The following BICRA variants were observed in gnomAD, a reference collection of about 807,000 sequenced individuals.
BICRA encodes the protein BRD4-interacting chromatin-remodeling complex-associated protein.
BICRA carries 31 observed loss-of-function variants against 96.9 expected under a neutral mutation model. The observed-to-expected ratio is 0.32, with a 90% CI of 0.24 to 0.43. The LOEUF is 0.43. Ranked by LOEUF, BICRA falls within the 20% of genes least tolerant of loss-of-function variation. BICRA has a pLI of 1.00. For synonymous variants in BICRA, 1,350 were observed against 1,071.8 expected, an observed-to-expected ratio of 1.26 and a Z score of -5.07; for missense variants, 2,283 against 2,190.3, an observed-to-expected ratio of 1.04 and a Z score of -0.84.
Position 47,699,505 on chromosome 19 carries a change from C to G in BICRA, c.3595+100C>G. ...GGCGGGGAGTGGGTGTGTGGCCCTA[C>G]CTCACTCCACCACTAGGCGGTGCCC... On this transcript the variant is annotated intron_variant, in intron 14 of 14. Transcript: ENST00000594866. This position sits in a 1 kb window ranked among gnomAD's most constrained non-coding sequence, Gnocchi z 5.0. 1.4e-6 allele frequency: 1 copy of G among 706,364 alleles called. No individual in the cohort carries two copies. Among genetic ancestry groups the G allele is most frequent in the South Asian group, 1.6e-5 (1 of 61,204 alleles). 43.8% of individuals were successfully genotyped at this position (706,364 alleles called of 1,614,324 possible).
chr19:47,619,908 A>G (rs1395510725), intron 1 of BICRA, among the ~76,000 whole-genome samples: 1 of 152,168 alleles, frequency 6.6e-6, no homozygotes, highest in Non-Finnish European at 1.5e-5. Flanking sequence ...ATCAAGATAC[A>G]GCACATTCTC....
chr19:47,696,366 C>T lies in BICRA; in HGVS notation c.3187-85C>T, dbSNP rs1973342520. ...GTGAGACACTGGTCCCCTGTCCCGT[C>T]TTTATCCTAGGCTAGAGGGGAAGCT... On this transcript the variant is annotated intron_variant, in intron 10 of 14. Transcript: ENST00000594866. 4 of 1,309,578 alleles carry T rather than the reference C, an allele frequency of 3.1e-6. No individual in the cohort carries two copies. The African/African-American group carries it at 5.8e-5, about 19-fold the overall frequency. 81.1% of individuals were successfully genotyped at this position (1,309,578 alleles called of 1,614,324 possible).
rs868688318 is a variant in BICRA at position 47,653,343 on chromosome 19, T to C, written c.-107-17100T>C. On this transcript the variant is annotated intron_variant, in intron 1 of 14. Coordinates refer to ENST00000594866, the MANE Select transcript of BICRA (RefSeq NM_001394372.1). Reference sequence around the variant, plus strand: ...TGGCCTCATTCTATTTTTTTTTTTTTCAAGGACATCTTTACTGACATATTC... The same window carrying C: ...TGGCCTCATTCTATTTTTTTTTTTTCCAAGGACATCTTTACTGACATATTC... Among the ~76,000 whole-genome samples, 49 of 151,178 alleles carry C rather than the reference T, an allele frequency of 3.2e-4. No individual in the cohort carries two copies. The Middle Eastern group carries it at 0.01, about 32-fold the overall frequency.
At chr19:47,683,049 T>A (rs1214473179) in intron 7 of BICRA, among the ~76,000 whole-genome samples, 1 of 152,178 alleles carries the variant, frequency 6.6e-6, no homozygotes, top group Non-Finnish European at 1.5e-5. Flanking sequence ...CAGTCTAAAT[T>A]GTTGTTAGGT....
At chr19:47,610,504 T>C (rs1168345317) in intron 1 of BICRA, among the ~76,000 whole-genome samples, 1 of 151,986 alleles carries the variant, frequency 6.6e-6, no homozygotes, top group Non-Finnish European at 1.5e-5. Context: ...GTGTCAGCTC[T>C]CCCGGGGAGG....
chr19:47,666,355 C>T (rs1972779589), intron 1 of BICRA, among the ~76,000 whole-genome samples: 1 of 151,816 alleles, frequency 6.6e-6, no homozygotes, highest in South Asian at 2.1e-4. Flanking sequence ...TCTCAGCTCA[C>T]TGCAGCCTCT....
chr19:47,631,644 T>A (rs1972223558), intron 1 of BICRA, among the ~76,000 whole-genome samples: 1 of 152,116 alleles, frequency 6.6e-6, no homozygotes, highest in African/African-American at 2.4e-5. Context: ...GGATTACAGA[T>A]GTGAGCCACC....
chr19:47,654,020 A>G (rs533261277), intron 1 of BICRA, among the ~76,000 whole-genome samples: 1 of 152,120 alleles, frequency 6.6e-6, no homozygotes, highest in East Asian at 1.9e-4. Context: ...TTGTGTGGAC[A>G]TATGTTTTCG....
chr19:47,616,922 A>T (rs11669062), intron 1 of BICRA, among the ~76,000 whole-genome samples: 2 of 151,118 alleles, frequency 1.3e-5, no homozygotes, highest in Non-Finnish European at 3.0e-5. Flanking sequence ...TCCGCCTCCC[A>T]GGTTCAAGTG....
rs753185913 is a variant in BICRA at position 47,701,571 on chromosome 19, C to G, written c.3839C>G (p.Ser1280Cys). ...TCCTCCTCCTCCTCTGCCGCCTCCT[C>G]CTTGGACGCCGACGAGGACGGCCCC... The part of the protein sequence containing the change: ...SSSSSSSAAS[S>C]LDADEDGPMP... Residue 1280 changes from serine to cysteine, a missense_variant, in exon 15 of 15, where the codon TCC (serine) becomes TGC (cysteine). Ser to Cys is a moderately radical substitution (Grantham distance 112). Coordinates refer to ENST00000594866, the MANE Select transcript of BICRA (RefSeq NM_001394372.1). The surrounding 1 kb of genome is among the most constrained non-coding windows in gnomAD (Gnocchi z 5.4). 1.3e-6 allele frequency: 2 copies of G among 1,553,416 alleles called. No individual in the cohort carries two copies. Among genetic ancestry groups the G allele is most frequent in the Admixed American group, 2.0e-5 (1 of 51,130 alleles).
intron 1 of BICRA, among the ~76,000 whole-genome samples, chr19:47,667,633 C>G (rs773206659): frequency 6.6e-6 from 1 of 152,076 alleles, no homozygotes. Flanking sequence ...CAGGGTCTTG[C>G]GACATCTGCT....
intron 1 of BICRA, among the ~76,000 whole-genome samples, chr19:47,665,260 A>G (rs367590274): frequency 5.3e-5 from 8 of 152,206 alleles, no homozygotes; most frequent in African/African-American, 1.7e-4. Flanking sequence ...AATAAATGAA[A>G]GGATTTGTTT....
chr19:47,686,676 G>T (rs755084806), intron 7 of BICRA, among the ~76,000 whole-genome samples: 11 of 152,188 alleles, frequency 7.2e-5, no homozygotes, highest in African/African-American at 2.7e-4. Context: ...GAGCCACTGC[G>T]CCCAGCCTCT....
rs12971683 is a variant in BICRA, at chr19:47,701,792, C to A, written c.4060C>A (p.Pro1354Thr). The A allele has an allele frequency of 6.5e-7, 1 of 1,539,218 alleles. No homozygotes were observed. Among genetic ancestry groups the A allele is most frequent in the Admixed American group, 2.0e-5 (1 of 50,700 alleles). Reference sequence around the variant, plus strand: ...CCCGCCACGGCCGCCACCACCACCGCCGCCCACGGGCCAGATGAACGGCAC... The same window carrying A: ...CCCGCCACGGCCGCCACCACCACCGACGCCCACGGGCCAGATGAACGGCAC... ...EPPPRPPPPPPPTGQMNGTVD... is the reference protein window; with the variant it reads ...EPPPRPPPPPTPTGQMNGTVD... Residue 1354 changes from proline to threonine, a missense_variant, in exon 15 of 15, where the codon CCG becomes ACG. Pro to Thr is a conservative substitution (Grantham distance 38). Coordinates refer to ENST00000594866, the MANE Select transcript of BICRA (RefSeq NM_001394372.1). The surrounding 1 kb of genome is among the most constrained non-coding windows in gnomAD (Gnocchi z 5.4).
At chr19:47,650,831 C>T (rs766570900) in intron 1 of BICRA, among the ~76,000 whole-genome samples, 2 of 152,124 alleles carry the variant, frequency 1.3e-5, no homozygotes, top group East Asian at 1.9e-4. Flanking sequence ...GAGGAAGGAG[C>T]ATGTGTGAGG....
At chr19:47,692,232 CT>C (rs200468113) in intron 7 of BICRA, among the ~76,000 whole-genome samples, 88 of 145,542 alleles carry the variant, frequency 6.0e-4, no homozygotes, top group Middle Eastern at 3.6e-3. Flanking sequence ...CTTGAATATT[CT>C]TTTTTTTTTT....
chr19:47,685,799 G>GCGCGCGCGCGCACGCA (rs141802949), intron 7 of BICRA, among the ~76,000 whole-genome samples: 1 of 148,734 alleles, frequency 6.7e-6, no homozygotes, highest in Non-Finnish European at 1.5e-5. Flanking sequence ...GCGCGCGCGC[G>GCGCGCGCGCGCACGCA]CATGCGTACA....
chr19:47,698,593 C>CCCCCA lies in BICRA; in HGVS notation c.3249-41_3249-40insCCCCA. ...TCCCCTGGCCCTCACCCGTCCCCCCCACCCTCCGCCGTGTGTGGTCTCTCC... is the reference window on the plus strand; with the variant it reads ...TCCCCTGGCCCTCACCCGTCCCCCCCCCCCAACCCTCCGCCGTGTGTGGTCTCTCC... On this transcript the variant is annotated intron_variant, in intron 11 of 14. Transcript: ENST00000594866. The surrounding 1 kb of genome is among the most constrained non-coding windows in gnomAD (Gnocchi z 4.8). 2 of 896,712 alleles carry CCCCCA rather than the reference C, an allele frequency of 2.2e-6. No homozygotes were observed. Among genetic ancestry groups the CCCCCA allele is most frequent in the Non-Finnish European group, 3.7e-6 (2 of 538,070 alleles). The allele number at this position is 896,712 out of a possible 1,614,324, so 55.5% of individuals were successfully genotyped here.
intron 1 of BICRA, among the ~76,000 whole-genome samples, chr19:47,653,041 G>A (rs796513135): frequency 3.7e-5 from 4 of 108,852 alleles, no homozygotes; most frequent in South Asian, 5.8e-4. Flanking sequence ...TTTTTTTTCC[G>A]AGACAGGGTC....
Sources: gnomAD v4.1 joint callset for allele counts (sites outside exome capture counted in the v4.1 genomes callset) on GRCh38, gnomAD v4.1.1 for gene constraint, Gnocchi (gnomAD v3.1) non-coding constraint, MANE v1.5 for transcripts, NCBI Gene and HGNC (gene_info 2026-07-23, HGNC 2026-07-21) for gene names.